The following AGK variants were observed in gnomAD, a reference collection of about 807,000 sequenced individuals.
The protein encoded by AGK is acylglycerol kinase, mitochondrial.
Under a neutral mutation model 66.4 loss-of-function variants are expected in AGK, and 52 were observed. The observed-to-expected ratio is 0.78, with a 90% confidence interval of 0.63 to 0.99. The LOEUF (loss-of-function observed/expected upper bound fraction) is 0.99. AGK is among the 50% of genes least tolerant of loss of function. The pLI is 0.00. For synonymous variants in AGK, 182 were observed against 181.1 expected, an observed-to-expected ratio of 1.00 and a Z score of -0.04; for missense variants, 451 against 506.6, an observed-to-expected ratio of 0.89 and a Z score of 1.05.
intron 2 of AGK, among the ~76,000 whole-genome samples, chr7:141,561,770 G>A (rs1454347793): frequency 1.3e-5 from 2 of 151,956 alleles, no homozygotes; most frequent in Non-Finnish European, 2.9e-5. Flanking sequence ...CTGCAATTTT[G>A]TCTCTGCTGT....
chr7:141,574,023 A>G (rs1169955581), intron 2 of AGK, among the ~76,000 whole-genome samples: 2 of 152,148 alleles, frequency 1.3e-5, no homozygotes, highest in African/African-American at 4.8e-5. Flanking sequence ...TTATAATTGT[A>G]TATGCAAATA....
At chr7:141,631,697 A>G (rs1352379314) in intron 9 of AGK, among the ~76,000 whole-genome samples, 2 of 152,026 alleles carry the variant, frequency 1.3e-5, no homozygotes, top group Non-Finnish European at 2.9e-5. Flanking sequence ...TTGCCTCCCT[A>G]CAATCTGTTG....
At position 141,596,548 on chromosome 7, in the gene AGK, C is replaced by G. The variant is rs1245059066; in HGVS notation, c.142-14C>G. On this transcript the variant is annotated splice_polypyrimidine_tract_variant and intron_variant, in intron 3 of 15. Transcript: ENST00000649286. ...ATGGACTTTTACTGAAAACTTTGCT[C>G]TTTTCTTTTTTAGGTGTTTGGCAAT... 5 of 1,612,648 alleles carry G rather than the reference C, an allele frequency of 3.1e-6. No individual in the cohort carries two copies. The highest frequency in any genetic ancestry group is 2.5e-6 in the Non-Finnish European group (3 of 1,179,084).
intron 11 of AGK, among the ~76,000 whole-genome samples, chr7:141,637,608 A>T (rs1481051126): frequency 6.6e-6 from 1 of 152,214 alleles, no homozygotes; most frequent in Non-Finnish European, 1.5e-5. Flanking sequence ...GCTAATAGAA[A>T]AGTCATCTTT....
Position 141,614,140 on chromosome 7 carries a change from T to G in AGK, c.391-6T>G. Reference sequence around the variant, plus strand: ...TTATAACAATGTTTTATTATTACATTTGTAGGTTGTTACTGGTGTTCTTCG... The same window carrying G: ...TTATAACAATGTTTTATTATTACATGTGTAGGTTGTTACTGGTGTTCTTCG... On this transcript the variant is annotated splice_region_variant and splice_polypyrimidine_tract_variant and intron_variant, in intron 6 of 15. Coordinates refer to ENST00000649286, the MANE Select transcript of AGK (RefSeq NM_018238.4). 1 of 1,521,664 alleles carries G rather than the reference T, an allele frequency of 6.6e-7. No individual in the cohort carries two copies. The highest frequency in any genetic ancestry group is 9.0e-7 in the Non-Finnish European group (1 of 1,113,072). 94.3% of individuals were successfully genotyped at this position (1,521,664 alleles called of 1,614,324 possible). A position where few individuals can be genotyped will look rare whatever the true frequency, so the allele number is the denominator to read the frequency against.
intron 9 of AGK, among the ~76,000 whole-genome samples, chr7:141,631,323 TTAAG>T (rs1199329504): frequency 6.6e-6 from 1 of 152,204 alleles, no homozygotes; most frequent in East Asian, 1.9e-4. Context: ...CGTTCAAAAG[TTAAG>T]TGACTTGCCT....
intron 5 of AGK, among the ~76,000 whole-genome samples, chr7:141,603,677 T>C (rs1796389086): frequency 6.6e-6 from 1 of 152,176 alleles, no homozygotes; most frequent in Non-Finnish European, 1.5e-5. Context: ...CTGCTTATGA[T>C]TCCATTGGTC....
At position 141,558,457 on chromosome 7, in the gene AGK, G is replaced by A. The variant is rs192080072; in HGVS notation, c.101+2890G>A. On this transcript the variant is annotated intron_variant, in intron 2 of 15. Transcript: ENST00000649286. The stretch of plus-strand genomic sequence containing the variant: ...TGGGATTACAGGTGTGAGCCACTGC[G>A]CCTGGCCTATATTATCTCTAAATGT... 5.1e-3 allele frequency among the ~76,000 whole-genome samples: 769 copies of A among 151,938 alleles called. 8 individuals carry two copies. Among genetic ancestry groups the A allele is most frequent in the African/African-American group, 0.017 (720 of 41,428 alleles).
chr7:141,608,342 A>G (rs746917158), intron 5 of AGK, among the ~76,000 whole-genome samples: 1 of 152,196 alleles, frequency 6.6e-6, no homozygotes, highest in Admixed American at 6.5e-5. Flanking sequence ...CAGACACCCA[A>G]AGGAAATGAG....
intron 6 of AGK, among the ~76,000 whole-genome samples, chr7:141,613,899 T>G (rs1796650936): frequency 6.6e-6 from 1 of 152,164 alleles, no homozygotes; most frequent in Admixed American, 6.5e-5. Context: ...GTAATACAAC[T>G]TGGAGTTTTT....
intron 14 of AGK, chr7:141,650,735 G>A (rs73171605): frequency 1.6e-4 from 154 of 945,750 alleles, no homozygotes; most frequent in African/African-American, 2.5e-4. Flanking sequence ...CAAGTAGACC[G>A]CGTTATAAAT....
chr7:141,593,053 G>A (rs1796156527), intron 2 of AGK, 93 bp from the exon 3 acceptor site: 6 of 1,028,926 alleles, frequency 5.8e-6, no homozygotes, highest in African/African-American at 1.6e-5. Context: ...TAGAGAAGAG[G>A]TGCCTATATT....
chr7:141,555,568 G>GTAAC lies in AGK; in HGVS notation c.101+4_101+7dup, dbSNP rs1172957285. ...GCCATTGGCTCTATGGAAAACACTG[G>GTAAC]TAACTATCTGACAGCCCCATCCCAC... is the stretch of plus-strand genomic sequence containing the variant. On this transcript the variant is annotated splice_donor_variant, in intron 2 of 15. Transcript: ENST00000649286. LOFTEE classifies it high-confidence loss of function. This position sits in a 1 kb window ranked among gnomAD's most constrained non-coding sequence, Gnocchi z 4.2. The GTAAC allele has an allele frequency of 1.9e-6, 3 of 1,610,348 alleles. No homozygotes were observed. Among genetic ancestry groups the GTAAC allele is most frequent in the Middle Eastern group, 1.6e-4 (1 of 6,066 alleles).
intron 13 of AGK, among the ~76,000 whole-genome samples, chr7:141,642,787 AT>A (rs1162440301): frequency 6.6e-6 from 1 of 152,230 alleles, no homozygotes; most frequent in African/African-American, 2.4e-5. Flanking sequence ...AGCCATATTC[AT>A]TCACAAATAT....
At chr7:141,560,066 CTTTA>C (rs1234215447) in intron 2 of AGK, among the ~76,000 whole-genome samples, 2 of 151,788 alleles carry the variant, frequency 1.3e-5, no homozygotes, top group Non-Finnish European at 2.9e-5. Flanking sequence ...GTTTGGATGC[CTTTA>C]TTTCTTTTTC....
intron 3 of AGK, 151 bp downstream of exon 3, chr7:141,593,336 C>T (rs771949911): frequency 2.1e-4 from 159 of 741,798 alleles, no homozygotes; most frequent in Admixed American, 1.3e-3. Flanking sequence ...TGGGAGCCAA[C>T]TCTGAGTAGA....
intron 2 of AGK, among the ~76,000 whole-genome samples, chr7:141,558,574 T>C (rs576654640): frequency 6.6e-6 from 1 of 152,202 alleles, no homozygotes; most frequent in Non-Finnish European, 1.5e-5. Flanking sequence ...TTGTGAAACA[T>C]GCTATAATTA....
chr7:141,571,296 T>C (rs1373073408), intron 2 of AGK, among the ~76,000 whole-genome samples: 2 of 152,190 alleles, frequency 1.3e-5, no homozygotes, highest in African/African-American at 4.8e-5. Flanking sequence ...AGATCCACAT[T>C]CTGGAGCTTT....
intron 2 of AGK, among the ~76,000 whole-genome samples, chr7:141,570,592 A>G (rs1475046747): frequency 6.6e-6 from 1 of 152,066 alleles, no homozygotes; most frequent in African/African-American, 2.4e-5. Flanking sequence ...GCAGATATCA[A>G]TATTTCACTA....
Sources: allele counts gnomAD v4.1 joint callset (sites outside exome capture counted in the v4.1 genomes callset), GRCh38; gene constraint gnomAD v4.1.1; non-coding constraint Gnocchi (gnomAD v3.1); transcripts MANE v1.5; gene names NCBI Gene and HGNC (gene_info 2026-07-23, HGNC 2026-07-21).